The following SLC9A9 variants were observed in gnomAD, a reference collection of about 807,000 sequenced individuals.
SLC9A9 encodes the protein sodium/hydrogen exchanger 9.
A neutral mutation model predicts 77.8 loss-of-function variants in SLC9A9; 62 were observed. The ratio of observed to expected loss-of-function variants is 0.80; its 90% CI spans 0.65 to 0.98. The LOEUF is 0.98. Among genes scored for constraint, SLC9A9 ranks in the 50% least tolerant of loss-of-function variants. The pLI is 0.00. For synonymous variants in SLC9A9, 320 were observed against 283.5 expected (o/e 1.13, Z -1.29); for missense variants, 775 against 774.9 (o/e 1.00, Z 0.00).
intron 14 of SLC9A9, among the ~76,000 whole-genome samples, chr3:143,303,909 T>C (rs1265816061): frequency 2.6e-5 from 4 of 152,250 alleles, no homozygotes. Flanking sequence ...ATCTGTTTTC[T>C]CCATTTCTTA....
intron 4 of SLC9A9, among the ~76,000 whole-genome samples, chr3:143,765,127 C>CTTTCTTTCTT (rs1356359703): frequency 6.9e-6 from 1 of 145,464 alleles, no homozygotes; most frequent in Non-Finnish European, 1.5e-5. Flanking sequence ...TTCTTTCTCT[C>CTTTCTTTCTT]TTTCTTTCTT....
chr3:143,614,288 A>G (rs969074126), intron 6 of SLC9A9, among the ~76,000 whole-genome samples: 3 of 152,152 alleles, frequency 2.0e-5, no homozygotes, highest in South Asian at 2.1e-4. Flanking sequence ...CTATGCCTGT[A>G]TCAATTTTTG....
chr3:143,630,922 G>A (rs926039914), intron 6 of SLC9A9, among the ~76,000 whole-genome samples: 7 of 151,940 alleles, frequency 4.6e-5, no homozygotes, highest in East Asian at 1.9e-4. Context: ...TTTCCAGCTC[G>A]TTGCTATATT....
chr3:143,816,989 T>C (rs1477110681), intron 2 of SLC9A9, among the ~76,000 whole-genome samples: 4 of 152,214 alleles, frequency 2.6e-5, no homozygotes, highest in African/African-American at 4.8e-5. Flanking sequence ...GTTTTTCTTA[T>C]TGATTAGTTC....
chr3:143,590,885 G>T (rs1175562604), intron 6 of SLC9A9, among the ~76,000 whole-genome samples: 1 of 152,182 alleles, frequency 6.6e-6, no homozygotes, highest in Non-Finnish European at 1.5e-5. Context: ...AGAAGAATCA[G>T]CATAGGGCAC....
chr3:143,448,195 A>G (rs2034879380), intron 12 of SLC9A9, among the ~76,000 whole-genome samples: 1 of 152,140 alleles, frequency 6.6e-6, no homozygotes, highest in Non-Finnish European at 1.5e-5. Context: ...AGCTCGAAAG[A>G]TGAATGTTTG....
chr3:143,801,136 G>A (rs1470357684), intron 2 of SLC9A9, among the ~76,000 whole-genome samples: 1 of 152,126 alleles, frequency 6.6e-6, no homozygotes, highest in Non-Finnish European at 1.5e-5. Context: ...GACAGATTTA[G>A]AGACTGCTCC....
intron 14 of SLC9A9, among the ~76,000 whole-genome samples, chr3:143,308,569 C>G (rs1313582679): frequency 1.4e-5 from 2 of 142,620 alleles, no homozygotes; most frequent in African/African-American, 5.2e-5. Context: ...GAGCGAGACT[C>G]TGTCTCAAAA....
At chr3:143,661,145 C>A (rs2038972722) in intron 5 of SLC9A9, among the ~76,000 whole-genome samples, 1 of 152,188 alleles carries the variant, frequency 6.6e-6, no homozygotes, top group Non-Finnish European at 1.5e-5. Context: ...GGAAGGTTAA[C>A]AAACCAGGCA....
chr3:143,350,052 C>T (rs1229215791), intron 14 of SLC9A9, among the ~76,000 whole-genome samples: 2 of 152,306 alleles, frequency 1.3e-5, no homozygotes, highest in East Asian at 1.9e-4. Context: ...ACCAACCACA[C>T]ATATTGTCTC....
chr3:143,606,194 C>A (rs981837405), intron 6 of SLC9A9, among the ~76,000 whole-genome samples: 5 of 151,882 alleles, frequency 3.3e-5, no homozygotes, highest in African/African-American at 9.7e-5. Context: ...CACCTGAGGT[C>A]AGGAGTTCGA....
At chr3:143,798,885 C>T (rs1198994545) in intron 2 of SLC9A9, among the ~76,000 whole-genome samples, 1 of 152,142 alleles carries the variant, frequency 6.6e-6, no homozygotes, top group African/African-American at 2.4e-5. Context: ...TTCCAATTTT[C>T]CTTTTCTACA....
intron 14 of SLC9A9, among the ~76,000 whole-genome samples, chr3:143,332,112 G>C (rs2031789533): frequency 6.6e-6 from 1 of 152,192 alleles, no homozygotes; most frequent in African/African-American, 2.4e-5. Flanking sequence ...AATGCAACTA[G>C]AGAAATAACT....
intron 3 of SLC9A9, among the ~76,000 whole-genome samples, chr3:143,796,625 T>C (rs1296392861): frequency 6.6e-6 from 1 of 152,172 alleles, no homozygotes; most frequent in Non-Finnish European, 1.5e-5. Flanking sequence ...TAGTTACATG[T>C]GGTTAATGGC....
intron 4 of SLC9A9, among the ~76,000 whole-genome samples, chr3:143,790,748 A>G (rs2008193968): frequency 6.6e-6 from 1 of 152,246 alleles, no homozygotes; most frequent in Admixed American, 6.5e-5. Flanking sequence ...ATACATGTAA[A>G]AAGCATAAGT....
intron 4 of SLC9A9, among the ~76,000 whole-genome samples, chr3:143,779,174 T>G (rs532500776): frequency 6.6e-6 from 1 of 152,200 alleles, no homozygotes; most frequent in Non-Finnish European, 1.5e-5. Context: ...CTATCATAAG[T>G]CTCAAACTTT....
chr3:143,813,423 G>C (rs12629712), intron 2 of SLC9A9, among the ~76,000 whole-genome samples: 23,678 of 152,164 alleles, frequency 0.16, 2,220 homozygotes, highest in South Asian at 0.31. Context: ...TTAGGGAATA[G>C]AGAGTGACTA....
At chr3:143,814,236 T>C (rs1035104497) in intron 2 of SLC9A9, among the ~76,000 whole-genome samples, 1 of 152,118 alleles carries the variant, frequency 6.6e-6, no homozygotes, top group African/African-American at 2.4e-5. Flanking sequence ...AGGCTTCTGC[T>C]CACTAAGTTG....
intron 8 of SLC9A9, among the ~76,000 whole-genome samples, chr3:143,556,634 C>T (rs2036987932): frequency 6.6e-6 from 1 of 152,184 alleles, no homozygotes; most frequent in Admixed American, 6.5e-5. Context: ...TTCACACTTG[C>T]TTCCTGTAAG....
Sources: allele counts gnomAD v4.1 joint callset (sites outside exome capture counted in the v4.1 genomes callset), GRCh38; gene constraint gnomAD v4.1.1; transcripts MANE v1.5; gene names NCBI Gene and HGNC (gene_info 2026-07-23, HGNC 2026-07-21).